Variants in DST observed in about 807,000 individuals in gnomAD.
The protein encoded by DST is bullous pemphigoid antigen.
In DST, 253 loss-of-function variants were observed where a neutral mutation model predicts 875.2. That is an observed-to-expected ratio of 0.29 (90% CI 0.26 to 0.32). The LOEUF (loss-of-function observed/expected upper bound fraction) is 0.32. Ranked by LOEUF, DST falls within the 10% of genes least tolerant of loss-of-function variation. The pLI is 1.00. For synonymous variants in DST, 3,124 were observed against 3,197.1 expected, an observed-to-expected ratio of 0.98 and a Z score of 0.77; for missense variants, 8,287 against 9,111.6, an observed-to-expected ratio of 0.91 and a Z score of 3.68.
At chr6:56,786,463 C>G (rs1291657342) in intron 4 of DST, among the ~76,000 whole-genome samples, 1 of 152,200 alleles carries the variant, frequency 6.6e-6, no homozygotes, top group Admixed American at 6.5e-5. Flanking sequence ...TCACCAAGCT[C>G]CATAGTTGCT....
At chr6:56,767,809 G>A (rs956110967) in intron 4 of DST, among the ~76,000 whole-genome samples, 2 of 151,994 alleles carry the variant, frequency 1.3e-5, no homozygotes, top group East Asian at 1.9e-4. Context: ...GAGAAGGGGG[G>A]CATCTGAATA....
chr6:56,597,714 G>A (rs545446428), intron 47 of DST, 26 bp downstream of exon 47: 43 of 1,588,790 alleles, frequency 2.7e-5, no homozygotes, highest in Admixed American at 1.9e-4. Flanking sequence ...AGAATTGAAC[G>A]ATATCATATG....
rs151236201 is a variant in DST, at chr6:56,737,115, G to A, written c.626-1826C>T. Among the ~76,000 whole-genome samples, 339 of 152,278 alleles carry A rather than the reference G, an allele frequency of 2.2e-3. 1 individual carries two copies. Among genetic ancestry groups the A allele is most frequent in the African/African-American group, 7.6e-3 (316 of 41,556 alleles). On this transcript the variant is annotated intron_variant, in intron 4 of 103. Transcript: ENST00000680361. ...AGGCTGAGGTGGGCAAGTCATTTGA[G>A]CCCAGGAGCTCAAGGCTGCAGTGAG...
rs1237605739 is a variant in DST, at chr6:56,605,760, T to C, written c.8868A>G (p.Leu2956=). The part of the protein sequence containing the change: ...ISSTSELGTD[L]ANTKVKLIQG... ...GAATCAACTTAACCTTTGTGTTTGC[T>C]AGATCAGTACCTAATTCAGAAGTTG... is the stretch of plus-strand genomic sequence containing the variant. The change falls in exon 40 of 104, where the codon CTA becomes CTG. Residue 2956 remains leucine (L), a synonymous_variant. Coordinates refer to ENST00000680361, the MANE Select transcript of DST (RefSeq NM_001374736.1). The C allele has an allele frequency of 1.2e-6, 2 of 1,612,788 alleles. No individual in the cohort carries two copies. The highest frequency in any genetic ancestry group is 1.7e-6 in the Non-Finnish European group (2 of 1,179,314).
Position 56,608,781 on chromosome 6 carries a change from T to C in DST, c.5847A>G (p.Leu1949=). 6 of 1,609,826 alleles carry C rather than the reference T, an allele frequency of 3.7e-6. No individual in the cohort carries two copies. Among genetic ancestry groups the C allele is most frequent in the African/African-American group, 1.3e-5 (1 of 75,010 alleles). ...TLQENTGMWL[L]PVRPQEGGRI... is the part of the protein sequence containing the mutation. ...TACCTCCTTCTTGTGGTCTCACAGG[T>C]AGAAGCCACATCCCTGTGTTTTCCT... Residue 1949 remains leucine (L), a synonymous_variant, in exon 40 of 104, where the codon CTA becomes CTG. Coordinates refer to ENST00000680361, the MANE Select transcript of DST (RefSeq NM_001374736.1).
Position 56,634,935 on chromosome 6 carries a change from G to A in DST, c.3205C>T (p.Leu1069=). ...QESMEEKEEL[L]QYKSTIANLM... is the part of the protein sequence containing the mutation. ...TTTGCTATAGTGCTTTTGTACTGCA[G>A]AAGTTCTTCTTTCTCTTCCTAAGTA... The change falls in exon 25 of 104, where the codon CTG becomes TTG. Residue 1069 remains leucine (L), a synonymous_variant. Coordinates refer to ENST00000680361, the MANE Select transcript of DST (RefSeq NM_001374736.1). 1 of 1,612,796 alleles carries A rather than the reference G, an allele frequency of 6.2e-7. No homozygotes were observed. The highest frequency in any genetic ancestry group is 8.5e-7 in the Non-Finnish European group (1 of 1,179,276).
At chr6:56,578,780 T>G (rs1186818470) in intron 50 of DST, 34 bp downstream of exon 50, 1 of 1,607,472 alleles carries the variant, frequency 6.2e-7, no homozygotes, top group South Asian at 1.1e-5. Context: ...AGAATTTACC[T>G]GTGAGACAGG....
At position 56,606,499 on chromosome 6, in the gene DST, G is replaced by A. The variant is rs1563138834; in HGVS notation, c.8129C>T (p.Pro2710Leu). 1.9e-6 allele frequency: 3 copies of A among 1,613,240 alleles called. No homozygotes were observed. The highest frequency in any genetic ancestry group is 2.5e-6 in the Non-Finnish European group (3 of 1,179,500). ...TCCATTCACCTTATCTGAGCCAACA[G>A]GATTTAAATGTATTTTTTCACCAGA... ...LDSGEKIHLN[P>L]VGSDKVNGQS... The change falls in exon 40 of 104, where the codon CCT (proline) becomes CTT (leucine). Residue 2710 changes from proline to leucine, a missense_variant. By Grantham distance (98) the Pro-to-Leu change is moderately conservative (BLOSUM62 -3). Around this residue, in one of 10 missense-constraint regions of DST, gnomAD observed 3,138 missense variants for 3,116.6 expected, o/e 1.01. Coordinates refer to ENST00000680361, the MANE Select transcript of DST (RefSeq NM_001374736.1).
At position 56,603,727 on chromosome 6, in the gene DST, T is replaced by C. The variant is rs2098467641; in HGVS notation, c.10792-14A>G. The C allele has an allele frequency of 3.1e-6, 5 of 1,590,934 alleles. No individual in the cohort carries two copies. Among genetic ancestry groups the C allele is most frequent in the East Asian group, 2.2e-5 (1 of 44,760 alleles). ...TTCACTGGAAAACTAAAAACAAAGT[T>C]GGACATTTTAATTCAATAACCTTTA... On this transcript the variant is annotated splice_polypyrimidine_tract_variant and intron_variant, in intron 40 of 103. Coordinates refer to ENST00000680361, the MANE Select transcript of DST (RefSeq NM_001374736.1).
Position 56,501,703 on chromosome 6 carries a change from A to T in DST, c.19567-10T>A, listed in dbSNP as rs1298276823. 6.4e-6 allele frequency: 10 copies of T among 1,565,048 alleles called. No homozygotes were observed. The highest frequency in any genetic ancestry group is 7.8e-6 in the Non-Finnish European group (9 of 1,157,706). On this transcript the variant is annotated splice_polypyrimidine_tract_variant and intron_variant, in intron 78 of 103. Transcript: ENST00000680361. ...CCTCAGACTTAAATTGCTATTTTAA[A>T]AGAGATATACAAAGAAAATATTGTT...
rs889486749 is a variant in DST at position 56,610,454 on chromosome 6, G to A, written c.5256C>T (p.Thr1752=). 6.4e-7 allele frequency: 1 copy of A among 1,564,952 alleles called. No individual in the cohort carries two copies. ...TCTCCTCTACCTTTACATCTCCTGA[G>A]GTTTGTGATTCTTGTAGCTGTTTCA... ...ESLKQLQESQ[T]SGDVKVEEKL... The change falls in exon 39 of 104, where the codon ACC becomes ACT. Residue 1752 remains threonine (T), a synonymous_variant. Transcript: ENST00000680361.
At chr6:56,533,770 C>A (rs932223552) in intron 63 of DST, among the ~76,000 whole-genome samples, 10 of 152,190 alleles carry the variant, frequency 6.6e-5, no homozygotes, top group Admixed American at 3.3e-4. Context: ...AGTTATGTGT[C>A]CTTAATCCTT....
At chr6:56,922,366 T>G (rs1455622868) in intron 2 of DST, among the ~76,000 whole-genome samples, 1 of 152,184 alleles carries the variant, frequency 6.6e-6, no homozygotes, top group Non-Finnish European at 1.5e-5. Flanking sequence ...CTTTGGGCAA[T>G]GTGGTTGGAA....
chr6:56,584,366 G>C (rs1186329923), intron 49 of DST, among the ~76,000 whole-genome samples: 1 of 152,158 alleles, frequency 6.6e-6, no homozygotes, highest in African/African-American at 2.4e-5. Flanking sequence ...CTGTGAATGG[G>C]AGTTCACTCA....
At chr6:56,554,227 G>T (rs1220619944) in intron 60 of DST, among the ~76,000 whole-genome samples, 1 of 151,612 alleles carries the variant, frequency 6.6e-6, no homozygotes, top group Non-Finnish European at 1.5e-5. Flanking sequence ...TGGGACTACA[G>T]GCACCCGCCA....
intron 4 of DST, among the ~76,000 whole-genome samples, chr6:56,744,197 G>C (rs1217507800): frequency 6.6e-6 from 1 of 151,804 alleles, no homozygotes; most frequent in East Asian, 1.9e-4. Flanking sequence ...TTAATGGTGG[G>C]AATCCACAGA....
At chr6:56,583,018 C>T (rs1282181366) in intron 49 of DST, among the ~76,000 whole-genome samples, 1 of 152,074 alleles carries the variant, frequency 6.6e-6, no homozygotes, top group Non-Finnish European at 1.5e-5. Flanking sequence ...GGGTTGGTTC[C>T]AAGTCTTTGC....
Position 56,820,218 on chromosome 6 carries a change from G to A in DST, c.625+31179C>T, listed in dbSNP as rs374407533. Among the ~76,000 whole-genome samples, 7 of 152,330 alleles carry A rather than the reference G, an allele frequency of 4.6e-5. 1 individual carries two copies. Among genetic ancestry groups the A allele is most frequent in the Admixed American group, 2.6e-4 (4 of 15,312 alleles). On this transcript the variant is annotated intron_variant, in intron 4 of 103. Coordinates refer to ENST00000680361, the MANE Select transcript of DST (RefSeq NM_001374736.1). ...AAAATAAGGATACTTTAAGTACCTA[G>A]TTCAAGTCATTGCTTTGAGGATGAC... is the stretch of plus-strand genomic sequence containing the variant.
intron 4 of DST, among the ~76,000 whole-genome samples, chr6:56,773,268 C>CCT (rs2099671075): frequency 6.6e-6 from 1 of 152,000 alleles, no homozygotes; most frequent in Admixed American, 6.6e-5. Context: ...GTAACAGATA[C>CCT]AGTCATCTTT....
Sources: allele counts gnomAD v4.1 joint callset (sites outside exome capture counted in the v4.1 genomes callset), GRCh38; gene constraint gnomAD v4.1.1; regional missense constraint gnomAD v4.1.1; transcripts MANE v1.5; gene names NCBI Gene and HGNC (gene_info 2026-07-23, HGNC 2026-07-21).